PFDN1: variants seen among roughly 807,000 people sequenced by gnomAD.
The protein encoded by PFDN1 is prefoldin 1.
PFDN1 carries 6 observed loss-of-function variants against 17.3 expected under a neutral mutation model. The observed-to-expected ratio is 0.35, with a 90% CI of 0.19 to 0.69. The LOEUF (loss-of-function observed/expected upper bound fraction) is 0.69. Among genes scored for constraint, PFDN1 ranks in the 30% least tolerant of loss-of-function variants. The pLI, the probability that PFDN1 is intolerant of heterozygous loss-of-function variation, is 0.65. For synonymous variants in PFDN1, 58 were observed against 50.1 expected (o/e 1.16, Z -0.67); for missense variants, 113 against 146.2 (o/e 0.77, Z 1.17).
chr5:140,263,889 C>T lies in PFDN1; in HGVS notation c.285+17560G>A, dbSNP rs146320331. On this transcript the variant is annotated intron_variant, in intron 3 of 3. Coordinates refer to ENST00000261813, the MANE Select transcript of PFDN1 (RefSeq NM_002622.5). ...ACAAAAAATTAGCCCGGTGTGGTGG[C>T]GGGCGCCTGTAGTCCCAGCTACTCA... 8.2e-3 allele frequency among the ~76,000 whole-genome samples: 1,246 copies of T among 151,446 alleles called. 12 individuals carry two copies. Among genetic ancestry groups the T allele is most frequent in the East Asian group, 0.023 (117 of 5,142 alleles).
At chr5:140,272,367 T>TTC in intron 3 of PFDN1, among the ~76,000 whole-genome samples, 1 of 149,126 alleles carries the variant, frequency 6.7e-6, no homozygotes, top group South Asian at 2.1e-4. Context: ...AAAACCATTT[T>TTC]TTTTTTTTTT....
chr5:140,264,774 GT>G, intron 3 of PFDN1, among the ~76,000 whole-genome samples: 1 of 152,242 alleles, frequency 6.6e-6, no homozygotes, highest in Middle Eastern at 3.4e-3. Flanking sequence ...GAGCCCAGGA[GT>G]TCCAGGCTGC....
intron 2 of PFDN1, among the ~76,000 whole-genome samples, chr5:140,286,042 A>G (rs1423277185): frequency 6.6e-6 from 1 of 152,196 alleles, no homozygotes; most frequent in Non-Finnish European, 1.5e-5. Flanking sequence ...AATTTAAAAA[A>G]AAATATTTTT....
chr5:140,302,256 G>A (rs1395192426), intron 1 of PFDN1, among the ~76,000 whole-genome samples: 1 of 152,136 alleles, frequency 6.6e-6, no homozygotes, highest in Non-Finnish European at 1.5e-5. Flanking sequence ...ATAAATTCTA[G>A]GGTCCTTTCC....
At chr5:140,290,279 A>C (rs1414485364) in intron 2 of PFDN1, among the ~76,000 whole-genome samples, 2 of 152,186 alleles carry the variant, frequency 1.3e-5, no homozygotes, top group Non-Finnish European at 2.9e-5. Flanking sequence ...ATGAAATATA[A>C]GTGGGAGACC....
At chr5:140,289,705 T>C (rs113905554) in intron 2 of PFDN1, among the ~76,000 whole-genome samples, 3 of 152,316 alleles carry the variant, frequency 2.0e-5, no homozygotes, top group African/African-American at 7.2e-5. Flanking sequence ...TCACTTCTAC[T>C]TGTATGTTCC....
At chr5:140,269,267 A>G (rs1490442327) in intron 3 of PFDN1, among the ~76,000 whole-genome samples, 1 of 147,752 alleles carries the variant, frequency 6.8e-6, no homozygotes, top group Non-Finnish European at 1.5e-5. Context: ...CCTGCCTCAG[A>G]CTCCCAAAGT....
At chr5:140,296,736 G>A (rs1765660563) in intron 2 of PFDN1, among the ~76,000 whole-genome samples, 1 of 152,200 alleles carries the variant, frequency 6.6e-6, no homozygotes, top group Admixed American at 6.5e-5. Context: ...CCCTCACTGT[G>A]TAACAGACAT....
intron 2 of PFDN1, among the ~76,000 whole-genome samples, chr5:140,294,740 C>T (rs557104079): frequency 6.6e-6 from 1 of 152,148 alleles, no homozygotes; most frequent in South Asian, 2.1e-4. Flanking sequence ...TACTGTTTCA[C>T]TTTCTACTTA....
chr5:140,264,085 A>G (rs532744208), intron 3 of PFDN1, among the ~76,000 whole-genome samples: 2 of 146,690 alleles, frequency 1.4e-5, no homozygotes, highest in African/African-American at 2.5e-5. Flanking sequence ...ATGGGGAGCC[A>G]GCACGTCACA....
intron 2 of PFDN1, among the ~76,000 whole-genome samples, chr5:140,298,162 A>AG (rs1374877968): frequency 5.9e-5 from 9 of 152,308 alleles, no homozygotes; most frequent in Admixed American, 5.2e-4. Context: ...CATAAAATTT[A>AG]CTTGTGCTAC....
chr5:140,261,977 C>T (rs924523016), intron 3 of PFDN1, among the ~76,000 whole-genome samples: 3 of 151,986 alleles, frequency 2.0e-5, no homozygotes, highest in Non-Finnish European at 4.4e-5. Flanking sequence ...AACTCCACAC[C>T]CACTAAGTTA....
At chr5:140,289,489 T>G (rs1386114212) in intron 2 of PFDN1, among the ~76,000 whole-genome samples, 1 of 152,194 alleles carries the variant, frequency 6.6e-6, no homozygotes, top group Non-Finnish European at 1.5e-5. Context: ...CATGTTTCCC[T>G]CATTAACTAC....
At chr5:140,294,565 C>T (rs1254494168) in intron 2 of PFDN1, among the ~76,000 whole-genome samples, 1 of 152,038 alleles carries the variant, frequency 6.6e-6, no homozygotes, top group African/African-American at 2.4e-5. Context: ...TATAGGTCAA[C>T]ATCCAAACTA....
intron 3 of PFDN1, among the ~76,000 whole-genome samples, chr5:140,270,201 T>C (rs1361150518): frequency 2.6e-5 from 4 of 152,090 alleles, no homozygotes; most frequent in African/African-American, 9.7e-5. Flanking sequence ...TCTAACTCAT[T>C]AAAAGAAATC....
chr5:140,274,094 C>T (rs1375458648), intron 3 of PFDN1, among the ~76,000 whole-genome samples: 1 of 152,156 alleles, frequency 6.6e-6, no homozygotes, highest in East Asian at 1.9e-4. Context: ...TTCCTAACTG[C>T]AAAAGAGGCC....
chr5:140,294,177 T>C (rs1287357836), intron 2 of PFDN1, among the ~76,000 whole-genome samples: 1 of 152,084 alleles, frequency 6.6e-6, no homozygotes, highest in Non-Finnish European at 1.5e-5. Flanking sequence ...ACACCAAAAG[T>C]AATCTCACAC....
At chr5:140,269,091 C>T (rs888953380) in intron 3 of PFDN1, among the ~76,000 whole-genome samples, 5 of 152,190 alleles carry the variant, frequency 3.3e-5, no homozygotes, top group Admixed American at 2.6e-4. Flanking sequence ...AGGCTCACTG[C>T]AGCCTCAATC....
At chr5:140,256,658 C>CCA (rs1764989938) in intron 3 of PFDN1, among the ~76,000 whole-genome samples, 1 of 39,906 alleles carries the variant, frequency 2.5e-5, no homozygotes, top group African/African-American at 7.1e-5. Flanking sequence ...CAAAAAATGA[C>CCA]AAAAAAAAAA....
Sources: gnomAD v4.1 joint callset for allele counts (sites outside exome capture counted in the v4.1 genomes callset) on GRCh38, gnomAD v4.1.1 for gene constraint, MANE v1.5 for transcripts, NCBI Gene and HGNC (gene_info 2026-07-23, HGNC 2026-07-21) for gene names.